PCGF5: variants seen among roughly 807,000 people sequenced by gnomAD.
The protein encoded by PCGF5 is polycomb group ring finger 5.
Under a neutral mutation model 44.3 loss-of-function variants are expected in PCGF5, and 9 were observed. The ratio of observed to expected loss-of-function variants is 0.20; its 90% CI spans 0.12 to 0.35. The LOEUF (loss-of-function observed/expected upper bound fraction) is 0.35. Among genes scored for constraint, PCGF5 ranks in the 10% least tolerant of loss-of-function variants. PCGF5 has a pLI of 1.00. For synonymous variants in PCGF5, 95 were observed against 102.5 expected, an observed-to-expected ratio of 0.93 and a Z score of 0.44; for missense variants, 146 against 305.3, an observed-to-expected ratio of 0.48 and a Z score of 3.89.
At chr10:91,268,868 A>T (rs1355568015) in intron 8 of PCGF5, among the ~76,000 whole-genome samples, 1 of 151,988 alleles carries the variant, frequency 6.6e-6, no homozygotes, top group Non-Finnish European at 1.5e-5. Context: ...AAAGATTTTT[A>T]TCTTTAGGAA....
chr10:91,262,875 G>A (rs544130567), intron 7 of PCGF5, among the ~76,000 whole-genome samples: 2 of 152,054 alleles, frequency 1.3e-5, no homozygotes, highest in African/African-American at 2.4e-5. Flanking sequence ...TTTTCTTCAC[G>A]CAAAATACCA....
At chr10:91,269,003 A>G (rs182832220) in intron 8 of PCGF5, among the ~76,000 whole-genome samples, 3 of 151,110 alleles carry the variant, frequency 2.0e-5, no homozygotes, top group East Asian at 1.9e-4. Flanking sequence ...AGGAAAAAGG[A>G]AAAAAAAACA....
intron 9 of PCGF5, among the ~76,000 whole-genome samples, chr10:91,275,143 G>A (rs1410826688): frequency 6.6e-6 from 1 of 151,960 alleles, no homozygotes; most frequent in African/African-American, 2.4e-5. Flanking sequence ...ATAGAAAAAG[G>A]TTTAATGTTA....
chr10:91,178,667 G>C (rs543329371), intron 1 of PCGF5, among the ~76,000 whole-genome samples: 1 of 152,024 alleles, frequency 6.6e-6, no homozygotes, highest in Non-Finnish European at 1.5e-5. Flanking sequence ...GGGATTACAG[G>C]TGTGAGCCCC....
intron 1 of PCGF5, among the ~76,000 whole-genome samples, chr10:91,208,612 A>G (rs918071357): frequency 6.6e-5 from 10 of 152,152 alleles, no homozygotes; most frequent in Non-Finnish European, 1.3e-4. Context: ...CCTCATTATC[A>G]TGGAAGAGAA....
In PCGF5 at chr10:91,278,514, T is replaced by C; in HGVS notation, c.*198T>C. On this transcript the variant is annotated 3_prime_UTR_variant, in exon 10 of 10. Transcript: ENST00000336126. The stretch of plus-strand genomic sequence containing the variant: ...AGCAAACCAAGTGCCATTCTGCTAC[T>C]GAACCATCTGCATAAGGTATTTGTG... 3.4e-6 allele frequency: 2 copies of C among 585,678 alleles called. No individual in the cohort carries two copies. The highest frequency in any genetic ancestry group is 6.2e-6 in the Non-Finnish European group (2 of 324,202). The allele number at this position is 585,678 out of a possible 1,614,324, so 36.3% of individuals were successfully genotyped here.
At chr10:91,198,232 C>T (rs773733615) in intron 1 of PCGF5, among the ~76,000 whole-genome samples, 5 of 152,266 alleles carry the variant, frequency 3.3e-5, no homozygotes, top group Middle Eastern at 3.4e-3. Flanking sequence ...GAAGAGCCTG[C>T]GAGACCCATC....
In PCGF5 at chr10:91,281,912, T is replaced by C. The variant is rs572913767; in HGVS notation, c.*3596T>C. 1 of 152,310 alleles carries C rather than the reference T, an allele frequency of 6.6e-6. No homozygotes were observed. Among genetic ancestry groups the C allele is most frequent in the South Asian group, 2.1e-4 (1 of 4,828 alleles). 9.4% of individuals were successfully genotyped at this position (152,310 alleles called of 1,614,324 possible). A position where few individuals can be genotyped will look rare whatever the true frequency, so the allele number is the denominator to read the frequency against. On this transcript the variant is annotated 3_prime_UTR_variant, in exon 10 of 10. Transcript: ENST00000336126. ...GTAAACACAACAAATAGCCTTCCTC[T>C]GCATGAAAAGTGAGAGAAATACATA...
At chr10:91,218,549 A>G (rs193194354), upstream of PCGF5, among the ~76,000 whole-genome samples, 27 of 152,244 alleles carry the variant, frequency 1.8e-4, no homozygotes, top group Admixed American at 1.7e-3. Context: ...CCCATGTTTT[A>G]ATACTTACAA....
At chr10:91,227,961 T>C (rs1844893926) in intron 2 of PCGF5, 25 of 950,042 alleles carry the variant, frequency 2.6e-5, no homozygotes, top group Non-Finnish European at 3.1e-5. Context: ...TAATAAGTTA[T>C]TTTATTGTGT....
intron 2 of PCGF5, among the ~76,000 whole-genome samples, chr10:91,237,095 A>G (rs958748948): frequency 1.3e-5 from 2 of 152,208 alleles, no homozygotes; most frequent in Admixed American, 1.3e-4. Context: ...ATTTTAGACA[A>G]CTTGCTCAAA....
intron 1 of PCGF5, among the ~76,000 whole-genome samples, chr10:91,167,542 G>A (rs926851754): frequency 4.6e-5 from 7 of 152,324 alleles, no homozygotes; most frequent in Middle Eastern, 3.4e-3. Flanking sequence ...AAGACTTGAA[G>A]GTAAGGATAT....
intron 1 of PCGF5, among the ~76,000 whole-genome samples, chr10:91,206,347 C>T (rs1421199802): frequency 1.3e-5 from 2 of 152,120 alleles, no homozygotes; most frequent in Non-Finnish European, 2.9e-5. Flanking sequence ...ATAAATAAGA[C>T]TCTTCAACAT....
intron 1 of PCGF5, among the ~76,000 whole-genome samples, chr10:91,207,443 A>G (rs1213616934): frequency 6.6e-6 from 1 of 152,206 alleles, no homozygotes; most frequent in Non-Finnish European, 1.5e-5. Context: ...TATACATGTT[A>G]CTACAATTTT....
At chr10:91,239,134 G>A (rs1228463148) in intron 2 of PCGF5, among the ~76,000 whole-genome samples, 1 of 152,060 alleles carries the variant, frequency 6.6e-6, no homozygotes, top group Non-Finnish European at 1.5e-5. Flanking sequence ...GGGGGGCGGA[G>A]GGGGAGGCAG....
chr10:91,260,133 A>AGGGATCATGGTGGCCGAGATAGCTCAG, intron 6 of PCGF5, among the ~76,000 whole-genome samples: 11 of 151,720 alleles, frequency 7.3e-5, no homozygotes, highest in East Asian at 3.9e-4. Context: ...AAACAACCCC[A>AGGGATCATGGTGGCCGAGATAGCTCAG]TCAAAAAGTG....
chr10:91,166,156 G>A (rs1843495779), intron 1 of PCGF5, among the ~76,000 whole-genome samples: 1 of 152,196 alleles, frequency 6.6e-6, no homozygotes, highest in South Asian at 2.1e-4. Flanking sequence ...AGAACCAAGA[G>A]TCCTGACTCT....
At chr10:91,266,341 G>A (rs1426659462) in intron 8 of PCGF5, among the ~76,000 whole-genome samples, 4 of 152,124 alleles carry the variant, frequency 2.6e-5, no homozygotes, top group African/African-American at 9.7e-5. Context: ...AGTTGCCCCA[G>A]CTGCCATTAT....
intron 1 of PCGF5, among the ~76,000 whole-genome samples, chr10:91,180,555 T>C (rs1843799897): frequency 6.6e-6 from 1 of 152,238 alleles, no homozygotes; most frequent in Admixed American, 6.5e-5. Flanking sequence ...CTTCTGCATA[T>C]GGTTAGCCAG....
Sources: allele counts gnomAD v4.1 joint callset (sites outside exome capture counted in the v4.1 genomes callset), GRCh38; gene constraint gnomAD v4.1.1; transcripts MANE v1.5; gene names NCBI Gene and HGNC (gene_info 2026-07-23, HGNC 2026-07-21).